CREBBP: variants seen among roughly 807,000 people sequenced by gnomAD.
CREBBP encodes the protein CREB-binding protein.
CREBBP carries 19 observed loss-of-function variants against 265.0 expected under a neutral mutation model. The ratio of observed to expected loss-of-function variants is 0.07; its 90% confidence interval spans 0.05 to 0.11. The LOEUF is 0.11. CREBBP is among the 10% of genes least tolerant of loss of function. The probability of loss-of-function intolerance (pLI) is 1.00; values close to 1 mark genes in which losing one functional copy is unlikely to be tolerated. For missense variants in CREBBP, 2,525 were observed against 3,219.0 expected (o/e 0.78, Z 5.22); for synonymous variants, 1,457 against 1,223.7 (o/e 1.19, Z -3.98).
At chr16:3,871,634 T>A (rs955027272) in intron 1 of CREBBP, among the ~76,000 whole-genome samples, 1 of 152,224 alleles carries the variant, frequency 6.6e-6, no homozygotes, top group African/African-American at 2.4e-5. Flanking sequence ...AGTGACTTAT[T>A]TTTCTATTTC....
rs2141216567 is a variant in CREBBP, at chr16:3,773,886, C to T, written c.2328G>A (p.Met776Ile). The T allele has an allele frequency of 6.2e-7, 1 of 1,612,288 alleles. No individual in the cohort carries two copies. Among genetic ancestry groups the T allele is most frequent in the Non-Finnish European group, 8.5e-7 (1 of 1,180,024 alleles). ...PSRMPQPPNM[M>I]GAHTNNMMAQ... ...CCATCATGTTGTTGGTGTGTGCACC[C>T]ATCATGTTCGGAGGCTGAGGCATTC... is the stretch of plus-strand genomic sequence containing the variant. Residue 776 changes from methionine (M) to isoleucine (I), a missense_variant, in exon 13 of 31, where the codon ATG becomes ATA. Met to Ile is a conservative substitution (Grantham distance 10). Around this residue, in one of 19 missense-constraint regions of CREBBP, gnomAD observed 548 missense variants for 533.0 expected, o/e 1.03. Transcript: ENST00000262367.
chr16:3,840,945 T>G (rs2054554847), intron 2 of CREBBP: 1 of 156,452 alleles, frequency 6.4e-6, no homozygotes, highest in Non-Finnish European at 1.5e-5. Context: ...TTTCTGCATG[T>G]GTAACAGATG....
At chr16:3,789,229 C>T (rs1002325701) in intron 5 of CREBBP, among the ~76,000 whole-genome samples, 12 of 152,188 alleles carry the variant, frequency 7.9e-5, no homozygotes, top group Non-Finnish European at 1.6e-4. Context: ...AGGTGGGTCT[C>T]GGCAGAGTCC....
At chr16:3,783,163 T>A (rs1463711180) in intron 5 of CREBBP, among the ~76,000 whole-genome samples, 1 of 152,202 alleles carries the variant, frequency 6.6e-6, no homozygotes, top group African/African-American at 2.4e-5. Flanking sequence ...TATCTTAGCA[T>A]GCAACAGACC....
intron 16 of CREBBP, among the ~76,000 whole-genome samples, chr16:3,765,231 C>T (rs2052822162): frequency 6.6e-6 from 1 of 152,210 alleles, no homozygotes; most frequent in African/African-American, 2.4e-5. Flanking sequence ...CTGCCTTGGC[C>T]TCCGAAAGTG....
At chr16:3,758,337 C>T (rs2052635011) in intron 17 of CREBBP, among the ~76,000 whole-genome samples, 1 of 152,124 alleles carries the variant, frequency 6.6e-6, no homozygotes, top group African/African-American at 2.4e-5. Flanking sequence ...AAAAATAGAT[C>T]TTTAATCCAC....
In CREBBP at chr16:3,880,002, G is replaced by C. The variant is rs1345693317; in HGVS notation, c.-86C>G. The C allele has an allele frequency of 2.3e-5, 28 of 1,215,208 alleles. No individual in the cohort carries two copies. Among genetic ancestry groups the C allele is most frequent in the Non-Finnish European group, 2.8e-5 (26 of 922,048 alleles). The allele number at this position is 1,215,208 out of a possible 1,614,324, so 75.3% of individuals were successfully genotyped here. A position where few individuals can be genotyped will look rare whatever the true frequency, so the allele number is the denominator to read the frequency against. The stretch of plus-strand genomic sequence containing the variant: ...GGGGGTCGGGGGCCCTGCCGGCTGC[G>C]AGGGAGAGGAGCGAGCGCGGGCCGC... On this transcript the variant is annotated 5_prime_UTR_variant, in exon 1 of 31. Transcript: ENST00000262367.
At chr16:3,763,298 A>G (rs537340076) in intron 16 of CREBBP, among the ~76,000 whole-genome samples, 12 of 152,048 alleles carry the variant, frequency 7.9e-5, no homozygotes, top group Non-Finnish European at 1.8e-4. Context: ...ATGAGGGACT[A>G]TAAGCATGCA....
intron 2 of CREBBP, among the ~76,000 whole-genome samples, chr16:3,830,961 G>T (rs955181838): frequency 6.6e-6 from 1 of 152,026 alleles, no homozygotes; most frequent in South Asian, 2.1e-4. Flanking sequence ...AATTTTTTTT[G>T]TACCTTTAGT....
chr16:3,769,156 C>T lies in CREBBP; in HGVS notation c.3060+18G>A, dbSNP rs1182613358. 1.9e-6 allele frequency: 3 copies of T among 1,613,682 alleles called. No homozygotes were observed. The highest frequency in any genetic ancestry group is 2.5e-6 in the Non-Finnish European group (3 of 1,179,984). On this transcript the variant is annotated intron_variant, in intron 15 of 30. Coordinates refer to ENST00000262367, the MANE Select transcript of CREBBP (RefSeq NM_004380.3). ...GTTGCGATACGCAGTCAATGCATTC[C>T]TAGGGAGCGGCACCCACCTCAGACC...
intron 3 of CREBBP, among the ~76,000 whole-genome samples, chr16:3,795,143 C>T (rs2053582520): frequency 6.6e-6 from 1 of 152,108 alleles, no homozygotes. Flanking sequence ...GGACCCAAAG[C>T]AATTCTGAGA....
At chr16:3,778,445 A>C (rs189817122) in intron 9 of CREBBP, among the ~76,000 whole-genome samples, 196 of 152,306 alleles carry the variant, frequency 1.3e-3, no homozygotes, top group African/African-American at 4.1e-3. Context: ...CAATATTACA[A>C]CACCACCTAC....
chr16:3,879,235 CACACACACA>C (rs1305952805), intron 1 of CREBBP, among the ~76,000 whole-genome samples: 1 of 944 alleles, frequency 1.1e-3, no homozygotes, highest in Non-Finnish European at 6.9e-3. Flanking sequence ...CACACGCGCG[CACACACACA>C]CACACACACA....
chr16:3,810,923 C>G (rs1239104672), intron 2 of CREBBP, 144 bp from the exon 3 acceptor site: 1 of 816,554 alleles, frequency 1.2e-6, no homozygotes, highest in African/African-American at 1.7e-5. Flanking sequence ...ATGCTCCAAG[C>G]AGAAGGCTCA....
chr16:3,876,854 G>C (rs1387956691), intron 1 of CREBBP, among the ~76,000 whole-genome samples: 1 of 152,184 alleles, frequency 6.6e-6, no homozygotes, highest in Non-Finnish European at 1.5e-5. Context: ...CAGTGGCAGT[G>C]ACATTCATCA....
intron 2 of CREBBP, among the ~76,000 whole-genome samples, chr16:3,842,107 C>G (rs2054576503): frequency 6.6e-6 from 1 of 152,138 alleles, no homozygotes; most frequent in Non-Finnish European, 1.5e-5. Flanking sequence ...AAACTTTATT[C>G]AAAAAATAAG....
Position 3,727,447 on chromosome 16 carries a change from C to T in CREBBP, c.*271G>A, listed in dbSNP as rs1054832232. 3.8e-5 allele frequency: 8 copies of T among 212,046 alleles called. No individual in the cohort carries two copies. Among genetic ancestry groups the T allele is most frequent in the African/African-American group, 2.0e-4 (7 of 34,462 alleles). The allele number at this position is 212,046 out of a possible 1,614,324, so 13.1% of individuals were successfully genotyped here. A position where few individuals can be genotyped will look rare whatever the true frequency, so the allele number is the denominator to read the frequency against. ...GACGACAAAAAGAATCCAAACAAAA[C>T]CCCCCTCCCCCCAAACAAAAACAAA... On this transcript the variant is annotated 3_prime_UTR_variant, in exon 31 of 31. Coordinates refer to ENST00000262367, the MANE Select transcript of CREBBP (RefSeq NM_004380.3).
At chr16:3,817,700 T>C (rs1183942941) in intron 2 of CREBBP, among the ~76,000 whole-genome samples, 4 of 152,142 alleles carry the variant, frequency 2.6e-5, no homozygotes, top group Non-Finnish European at 4.4e-5. Flanking sequence ...TCTACAATAG[T>C]AGCAAGCCAA....
intron 28 of CREBBP, among the ~76,000 whole-genome samples, chr16:3,735,221 A>G (rs2052022449): frequency 1.3e-5 from 2 of 152,142 alleles, no homozygotes; most frequent in Admixed American, 1.3e-4. Flanking sequence ...CCACGCTCAG[A>G]GCACACCATG....
Sources: gnomAD v4.1 joint callset for allele counts (sites outside exome capture counted in the v4.1 genomes callset) on GRCh38, gnomAD v4.1.1 for gene constraint, gnomAD v4.1.1 regional missense constraint, MANE v1.5 for transcripts, NCBI Gene and HGNC (gene_info 2026-07-23, HGNC 2026-07-21) for gene names.